C13orf42: variants seen among roughly 807,000 people sequenced by gnomAD.
C13orf42 encodes chromosome 13 open reading frame 42, also known as uncharacterized protein C13orf42.
chr13:51,108,196 C>T (rs1953382743), intron 1 of C13orf42, among the ~76,000 whole-genome samples: 1 of 152,212 alleles, frequency 6.6e-6, no homozygotes, highest in Non-Finnish European at 1.5e-5. Context: ...TCCAGCATGA[C>T]CTCATCGTAA....
intron 1 of C13orf42, among the ~76,000 whole-genome samples, chr13:51,118,777 G>T (rs1219070450): frequency 6.6e-6 from 1 of 152,158 alleles, no homozygotes; most frequent in Non-Finnish European, 1.5e-5. Context: ...AGATGATCTT[G>T]TAGCCTAGGG....
At chr13:51,153,840 T>C (rs2138041115) in intron 1 of C13orf42, among the ~76,000 whole-genome samples, 1 of 152,050 alleles carries the variant, frequency 6.6e-6, no homozygotes, top group East Asian at 1.9e-4. Context: ...CGCCATGTTG[T>C]CCAGGCGGGT....
chr13:51,171,643 G>T (rs1038093259), intron 1 of C13orf42, among the ~76,000 whole-genome samples: 58 of 151,904 alleles, frequency 3.8e-4, no homozygotes, highest in South Asian at 3.5e-3. Context: ...CACCTGGTCG[G>T]GCTTACAGTT....
At chr13:51,155,673 T>C (rs1953819036) in intron 1 of C13orf42, among the ~76,000 whole-genome samples, 1 of 152,340 alleles carries the variant, frequency 6.6e-6, no homozygotes, top group Non-Finnish European at 1.5e-5. Context: ...TCTCAGTATA[T>C]TTCCAAGTGG....
Position 51,126,551 on chromosome 13 carries a change from C to G in C13orf42, n.137-13329G>C, listed in dbSNP as rs117735545. On this transcript the variant is annotated intron_variant and non_coding_transcript_variant, in intron 1 of 4. Transcript: ENST00000433280. ...CTCCATTTGTTAAATTGTCCACATG[C>G]ATCCAGGGTTCTGTGATGCTTTATT... Among the ~76,000 whole-genome samples the G allele has an allele frequency of 2.3e-3, 345 of 152,318 alleles. 2 individuals are homozygous for G. The highest frequency in any genetic ancestry group is 3.4e-3 in the Non-Finnish European group (232 of 68,030).
chr13:51,153,464 G>A (rs1953797139), intron 1 of C13orf42, among the ~76,000 whole-genome samples: 1 of 151,692 alleles, frequency 6.6e-6, no homozygotes, highest in African/African-American at 2.4e-5. Flanking sequence ...GAGAGAGACA[G>A]AGATAGAGAC....
At chr13:51,146,776 A>G (rs1953739378) in intron 1 of C13orf42, among the ~76,000 whole-genome samples, 1 of 152,210 alleles carries the variant, frequency 6.6e-6, no homozygotes, top group Admixed American at 6.5e-5. Context: ...CTTTGAATAG[A>G]ATGGGAGGTG....
chr13:51,166,969 C>T (rs1232396816), intron 1 of C13orf42, among the ~76,000 whole-genome samples: 1 of 151,964 alleles, frequency 6.6e-6, no homozygotes, highest in Non-Finnish European at 1.5e-5. Flanking sequence ...GTCCCAGCTA[C>T]TCAGGAGGCT....
intron 1 of C13orf42, among the ~76,000 whole-genome samples, chr13:51,165,707 C>T (rs1953897763): frequency 6.6e-6 from 1 of 152,106 alleles, no homozygotes; most frequent in Admixed American, 6.6e-5. Context: ...CATGGGAGTA[C>T]TGATCACCTT....
intron 1 of C13orf42, among the ~76,000 whole-genome samples, chr13:51,154,934 C>T (rs890564958): frequency 1.3e-5 from 2 of 152,098 alleles, no homozygotes; most frequent in East Asian, 1.9e-4. Flanking sequence ...TTTAAGGGGC[C>T]GGTAAGGTAG....
intron 1 of C13orf42, among the ~76,000 whole-genome samples, chr13:51,098,867 A>G (rs1009955481): frequency 6.6e-6 from 1 of 151,610 alleles, no homozygotes; most frequent in Non-Finnish European, 1.5e-5. Context: ...AATTTTAGGA[A>G]CTCCACTTTC....
chr13:51,123,678 A>G (rs1056716820), intron 1 of C13orf42, among the ~76,000 whole-genome samples: 1 of 152,160 alleles, frequency 6.6e-6, no homozygotes, highest in Admixed American at 6.5e-5. Context: ...CTATCACCTA[A>G]CCCAATTCCT....
intron 1 of C13orf42, among the ~76,000 whole-genome samples, chr13:51,144,518 T>TCTCCA (rs1555268300): frequency 3.4e-4 from 40 of 117,926 alleles, no homozygotes; most frequent in South Asian, 8.0e-4. Context: ...TGTTTTCATT[T>TCTCCA]GTAACAGGAC....
intron 1 of C13orf42, among the ~76,000 whole-genome samples, chr13:51,102,665 G>C (rs1268770087): frequency 6.6e-6 from 1 of 152,176 alleles, no homozygotes; most frequent in African/African-American, 2.4e-5. Flanking sequence ...GGATCCATGA[G>C]AGAATTAATG....
At chr13:51,130,699 G>T (rs1464434085) in intron 1 of C13orf42, among the ~76,000 whole-genome samples, 1 of 152,052 alleles carries the variant, frequency 6.6e-6, no homozygotes, top group Non-Finnish European at 1.5e-5. Context: ...TGGGTCCTAG[G>T]CTCCACACTA....
chr13:51,158,653 A>C (rs1277237654), intron 1 of C13orf42, among the ~76,000 whole-genome samples: 1 of 152,210 alleles, frequency 6.6e-6, no homozygotes, highest in Non-Finnish European at 1.5e-5. Flanking sequence ...GTCCCACGCA[A>C]CACCACAGAC....
At position 51,110,804 on chromosome 13, in the gene C13orf42, C is replaced by T. The variant is rs958053437; in HGVS notation, c.406G>A (p.Glu136Lys). 1 of 398,670 alleles carries T rather than the reference C, an allele frequency of 2.5e-6. No individual in the cohort carries two copies. Among genetic ancestry groups the T allele is most frequent in the Non-Finnish European group, 4.4e-6 (1 of 226,082 alleles). The allele number at this position is 398,670 out of a possible 1,614,324, so 24.7% of individuals were successfully genotyped here. ...KKTPVRSTPK[E>K]IKKATPKKYS... The stretch of plus-strand genomic sequence containing the variant: ...TGCTCAGCAGCACTTACCTTTATTT[C>T]TTTGGGAGTAGACCGGACAGGAGTC... The change falls in exon 1 of 4, where the codon GAA (glutamate) becomes AAA (lysine). Residue 136 changes from glutamate to lysine, a missense_variant. By Grantham distance (56) the Glu-to-Lys change is moderately conservative. Transcript: ENST00000563710.
At chr13:51,156,344 G>C (rs1402444383) in intron 1 of C13orf42, among the ~76,000 whole-genome samples, 1 of 152,178 alleles carries the variant, frequency 6.6e-6, no homozygotes, top group Non-Finnish European at 1.5e-5. Context: ...TATGTGCCAA[G>C]TGCATACTGT....
At chr13:51,085,267 G>A (rs907386877) in intron 3 of C13orf42, 52 bp downstream of exon 3, 13 of 396,012 alleles carry the variant, frequency 3.3e-5, no homozygotes, top group South Asian at 1.4e-4. Context: ...CACCCCAAGC[G>A]TCTGGAGGCC....
Sources: allele counts gnomAD v4.1 joint callset (sites outside exome capture counted in the v4.1 genomes callset), GRCh38; gene constraint gnomAD v4.1.1; transcripts MANE v1.5; gene names NCBI Gene and HGNC (gene_info 2026-07-23, HGNC 2026-07-21).